CPXM2: variants seen among roughly 807,000 people sequenced by gnomAD.
CPXM2 encodes the protein inactive carboxypeptidase-like protein X2.
In CPXM2, 66 loss-of-function variants were observed where a neutral mutation model predicts 86.1. That is an observed-to-expected ratio of 0.77 (90% CI 0.63 to 0.94). The LOEUF (loss-of-function observed/expected upper bound fraction) is 0.94, where lower values mean the gene tolerates loss of function less well. CPXM2 is among the 40% of genes least tolerant of loss of function. CPXM2 has a pLI of 0.00. For missense variants in CPXM2, 948 were observed against 1,026.3 expected, an observed-to-expected ratio of 0.92 and a Z score of 1.04; for synonymous variants, 388 against 400.2, an observed-to-expected ratio of 0.97 and a Z score of 0.36.
chr10:123,843,204 G>C, intron 3 of CPXM2: 1 of 432,318 alleles, frequency 2.3e-6, no homozygotes, highest in Non-Finnish European at 4.6e-6. Flanking sequence ...CTCCCTCCTC[G>C]GCCCTCTGAA....
intron 2 of CPXM2, among the ~76,000 whole-genome samples, chr10:123,919,478 T>C (rs773383339): frequency 6.7e-6 from 1 of 149,736 alleles, no homozygotes; most frequent in Admixed American, 6.7e-5. Flanking sequence ...TTAAAGCAGG[T>C]ATGACAACCA....
At chr10:123,769,068 C>T (rs979776866) in intron 8 of CPXM2, among the ~76,000 whole-genome samples, 1 of 152,186 alleles carries the variant, frequency 6.6e-6, no homozygotes, top group African/African-American at 2.4e-5. Context: ...TTTTGGGAGG[C>T]AATTATTTTT....
chr10:123,749,054 G>A (rs927422779), intron 13 of CPXM2, among the ~76,000 whole-genome samples: 4 of 152,220 alleles, frequency 2.6e-5, no homozygotes, highest in African/African-American at 9.7e-5. Context: ...TTATCTGAAT[G>A]GGCTGGAGAG....
At chr10:123,844,605 T>C (rs1848459799) in intron 3 of CPXM2, among the ~76,000 whole-genome samples, 1 of 152,148 alleles carries the variant, frequency 6.6e-6, no homozygotes. Context: ...AACACATTAG[T>C]TTTTCTGTGT....
chr10:123,839,611 C>T (rs1474439349), intron 4 of CPXM2, among the ~76,000 whole-genome samples: 1 of 152,068 alleles, frequency 6.6e-6, no homozygotes, highest in African/African-American at 2.4e-5. Context: ...AAAAATGATA[C>T]CATAGCCATC....
rs1590107300 is a variant in CPXM2, at chr10:123,891,713, G to T, written c.-54C>A. ...GTCACGGTCACCGGGGGCGCCGGGC[G>T]GGCTGCGGGCGCAGAAGCTGGCGCG... On this transcript the variant is annotated 5_prime_UTR_variant, in exon 1 of 14. Coordinates refer to ENST00000241305, the MANE Select transcript of CPXM2 (RefSeq NM_198148.3). This position sits in a 1 kb window ranked among gnomAD's most constrained non-coding sequence, Gnocchi z 5.6. The T allele has an allele frequency of 3.1e-6, 4 of 1,273,320 alleles. No individual in the cohort carries two copies. Among genetic ancestry groups the T allele is most frequent in the Non-Finnish European group, 4.0e-6 (4 of 1,000,428 alleles). 78.9% of individuals were successfully genotyped at this position (1,273,320 alleles called of 1,614,324 possible). A position where few individuals can be genotyped will look rare whatever the true frequency, so the allele number is the denominator to read the frequency against.
intron 4 of CPXM2, among the ~76,000 whole-genome samples, chr10:123,842,123 T>C (rs1183728847): frequency 2.0e-5 from 3 of 152,212 alleles, no homozygotes; most frequent in African/African-American, 7.2e-5. Flanking sequence ...AGGCAGATCT[T>C]TCTCTCCACT....
chr10:123,753,032 G>A (rs1396815758), intron 13 of CPXM2, among the ~76,000 whole-genome samples: 1 of 152,180 alleles, frequency 6.6e-6, no homozygotes, highest in Non-Finnish European at 1.5e-5. Context: ...CAACAGTGCA[G>A]CGGGGAGGTG....
At chr10:123,795,105 T>C (rs1302456082) in intron 6 of CPXM2, among the ~76,000 whole-genome samples, 1 of 152,142 alleles carries the variant, frequency 6.6e-6, no homozygotes, top group Admixed American at 6.5e-5. Flanking sequence ...ACACATAACA[T>C]AAAGGTTACC....
chr10:123,902,787 C>G (rs2134262264), intron 2 of CPXM2, among the ~76,000 whole-genome samples: 1 of 152,324 alleles, frequency 6.6e-6, no homozygotes, highest in African/African-American at 2.4e-5. Flanking sequence ...ACAGGGGAAA[C>G]ACAAACATTC....
rs57527930 is a variant in CPXM2, at chr10:123,765,915, T to TTTG, written c.1479+1055_1479+1057dup. On this transcript the variant is annotated intron_variant, in intron 10 of 13. Transcript: ENST00000241305. Reference sequence around the variant, plus strand: ...TGAATCCCCAGTAGAAGTCCGATCTTTTGTTGTTGTTGTTTGTTTGTTTTG... The same window carrying TTTG: ...TGAATCCCCAGTAGAAGTCCGATCTTTTGTTGTTGTTGTTGTTTGTTTGTTTTG... Among the ~76,000 whole-genome samples the TTTG allele has an allele frequency of 5.8e-3, 885 of 152,262 alleles. 9 individuals are homozygous for TTTG. Among genetic ancestry groups the TTTG allele is most frequent in the African/African-American group, 0.02 (834 of 41,554 alleles).
chr10:123,902,845 C>T (rs2134262360), intron 2 of CPXM2, among the ~76,000 whole-genome samples: 1 of 152,280 alleles, frequency 6.6e-6, no homozygotes, highest in Non-Finnish European at 1.5e-5. Flanking sequence ...CGGCTGTTGT[C>T]ATTCTTCATG....
intron 2 of CPXM2, among the ~76,000 whole-genome samples, chr10:123,880,003 G>A (rs1945054384): frequency 6.6e-6 from 1 of 152,246 alleles, no homozygotes; most frequent in African/African-American, 2.4e-5. Context: ...GCTGTGAGTA[G>A]TGAGGCAGTG....
chr10:123,790,534 C>A (rs1047054620), intron 6 of CPXM2, among the ~76,000 whole-genome samples: 1 of 152,208 alleles, frequency 6.6e-6, no homozygotes, highest in East Asian at 1.9e-4. Context: ...GAGAGCTGAA[C>A]ATACTGACAT....
intron 4 of CPXM2, among the ~76,000 whole-genome samples, chr10:123,833,002 T>C (rs970515721): frequency 2.0e-5 from 3 of 152,054 alleles, no homozygotes; most frequent in Non-Finnish European, 2.9e-5. Flanking sequence ...CAAGGCGCCA[T>C]CTGGGAAACA....
At chr10:123,759,064 C>T (rs892410044) in intron 11 of CPXM2, among the ~76,000 whole-genome samples, 1 of 152,106 alleles carries the variant, frequency 6.6e-6, no homozygotes, top group Non-Finnish European at 1.5e-5. Context: ...TCTGATCAAG[C>T]CTGTGATGAA....
intron 6 of CPXM2, among the ~76,000 whole-genome samples, chr10:123,793,325 G>T (rs567702640): frequency 1.3e-5 from 2 of 152,112 alleles, no homozygotes; most frequent in South Asian, 4.2e-4. Context: ...TTAGCCGGGT[G>T]TGGTGGCGGG....
chr10:123,927,281 C>T (rs1407553023), intron 2 of CPXM2, among the ~76,000 whole-genome samples: 1 of 152,200 alleles, frequency 6.6e-6, no homozygotes, highest in South Asian at 2.1e-4. Context: ...TTCAGTGATG[C>T]TAGACAAGCA....
At chr10:123,877,087 GC>G (rs1945000588) in intron 2 of CPXM2, among the ~76,000 whole-genome samples, 1 of 152,192 alleles carries the variant, frequency 6.6e-6, no homozygotes, top group East Asian at 1.9e-4. Context: ...TAAAAAACAA[GC>G]CCTCATCTGG....
Sources: gnomAD v4.1 joint callset for allele counts (sites outside exome capture counted in the v4.1 genomes callset) on GRCh38, gnomAD v4.1.1 for gene constraint, Gnocchi (gnomAD v3.1) non-coding constraint, MANE v1.5 for transcripts, NCBI Gene and HGNC (gene_info 2026-07-23, HGNC 2026-07-21) for gene names.